The following GABRG2 variants were observed in gnomAD, a reference collection of about 807,000 sequenced individuals.
GABRG2 encodes the protein gamma-aminobutyric acid type A receptor subunit gamma2, also known as gamma-aminobutyric acid receptor subunit gamma-2.
A neutral mutation model predicts 56.4 loss-of-function variants in GABRG2; 16 were observed. The observed-to-expected ratio is 0.28, with a 90% CI of 0.19 to 0.43. The LOEUF is 0.43. Among genes scored for constraint, GABRG2 ranks in the 20% least tolerant of loss-of-function variants. GABRG2 has a pLI of 1.00. For missense variants in GABRG2, 327 were observed against 582.7 expected, an observed-to-expected ratio of 0.56 and a Z score of 4.52; for synonymous variants, 208 against 205.5, an observed-to-expected ratio of 1.01 and a Z score of -0.10.
At chr5:162,096,557 T>C (rs1280710271) in intron 3 of GABRG2, among the ~76,000 whole-genome samples, 1 of 152,150 alleles carries the variant, frequency 6.6e-6, no homozygotes, top group Non-Finnish European at 1.5e-5. Flanking sequence ...AAACAGGTTC[T>C]TTTCTCATTA....
chr5:162,090,815 T>C (rs1233143222), intron 1 of GABRG2, among the ~76,000 whole-genome samples: 1 of 152,142 alleles, frequency 6.6e-6, no homozygotes, highest in East Asian at 1.9e-4. Context: ...CTCTATCCAC[T>C]CAACTGTTGA....
chr5:162,102,210 T>A, intron 5 of GABRG2: 1 of 208,520 alleles, frequency 4.8e-6, no homozygotes, highest in East Asian at 1.1e-4. Context: ...GACATCATAT[T>A]TACCTAGAAA....
rs564102312 is a variant in GABRG2 at position 162,101,720 on chromosome 5, C to A, written c.631+403C>A. On this transcript the variant is annotated intron_variant, in intron 5 of 9. Transcript: ENST00000639213. ...CAGCACATTGCTAGTTAAGGCCTGC[C>A]CCACAGGACAATTATTTCATTGATA... 28 of 182,468 alleles carry A rather than the reference C, an allele frequency of 1.5e-4. No individual in the cohort carries two copies. In the South Asian group the frequency reaches 3.2e-3, roughly 21 times the overall value. 11.3% of individuals were successfully genotyped at this position (182,468 alleles called of 1,614,324 possible). A position where few individuals can be genotyped will look rare whatever the true frequency, so the allele number is the denominator to read the frequency against.
intron 5 of GABRG2, 60 bp from the exon 6 acceptor site, chr5:162,103,829 G>T: frequency 6.3e-7 from 1 of 1,577,328 alleles, no homozygotes; most frequent in South Asian, 1.1e-5. Context: ...CATAGAAGAT[G>T]GTTGCTACAT....
At chr5:162,104,802 T>C (rs1748901403) in intron 6 of GABRG2, among the ~76,000 whole-genome samples, 1 of 152,132 alleles carries the variant, frequency 6.6e-6, no homozygotes, top group Non-Finnish European at 1.5e-5. Flanking sequence ...ATATTAAATC[T>C]CATGATTTGT....
intron 9 of GABRG2, chr5:162,152,660 A>G (rs1471860763): frequency 5.6e-5 from 18 of 320,960 alleles, no homozygotes; most frequent in Middle Eastern, 9.9e-4. Context: ...TGGGTTTTCT[A>G]TTTGCCTATA....
Position 162,153,450 on chromosome 5 carries a change from C to T in GABRG2, c.*82C>T. 4 of 1,449,094 alleles carry T rather than the reference C, an allele frequency of 2.8e-6. No homozygotes were observed. The South Asian group carries it at 3.4e-5, about 12-fold the overall frequency. 89.8% of individuals were successfully genotyped at this position (1,449,094 alleles called of 1,614,324 possible). On this transcript the variant is annotated 3_prime_UTR_variant, in exon 10 of 10. Transcript: ENST00000639213. The stretch of plus-strand genomic sequence containing the variant: ...CTGTTCTAAGTCCACTTAAATAATC[C>T]TCTATGTGGTTGATAATGATCTGAA...
chr5:162,109,448 A>G (rs1023841554), intron 6 of GABRG2, among the ~76,000 whole-genome samples: 1 of 145,000 alleles, frequency 6.9e-6, no homozygotes, highest in Admixed American at 6.9e-5. Context: ...TGAAAACATG[A>G]TTTCTGCCTT....
chr5:162,151,649 G>C (rs1765377765), intron 8 of GABRG2, 81 bp from the exon 9 acceptor site: 1 of 1,187,954 alleles, frequency 8.4e-7, no homozygotes, highest in Admixed American at 2.0e-5. Flanking sequence ...AATTTATCTT[G>C]TCTCTCTCTT....
Position 162,153,724 on chromosome 5 carries a change from G to T in GABRG2, c.*356G>T, listed in dbSNP as rs886807466. ...ATTCATAATGCAATTAGATAGAAAA[G>T]GTCCAAAACTGTACCCTATGTTCAC... On this transcript the variant is annotated 3_prime_UTR_variant, in exon 10 of 10. Transcript: ENST00000639213. 9.0e-6 allele frequency: 3 copies of T among 333,542 alleles called. No individual in the cohort carries two copies. The highest frequency in any genetic ancestry group is 1.7e-5 in the Non-Finnish European group (3 of 175,388). The allele number at this position is 333,542 out of a possible 1,614,324, so 20.7% of individuals were successfully genotyped here. A position where few individuals can be genotyped will look rare whatever the true frequency, so the allele number is the denominator to read the frequency against.
At chr5:162,110,542 G>A (rs1026393400) in intron 6 of GABRG2, among the ~76,000 whole-genome samples, 3 of 151,820 alleles carry the variant, frequency 2.0e-5, no homozygotes, top group East Asian at 1.9e-4. Flanking sequence ...CTTGACTCAC[G>A]ATTTAGATGA....
rs1054164610 is a variant in GABRG2 at position 162,088,267 on chromosome 5, C to T, written c.108-5561C>T. On this transcript the variant is annotated intron_variant, in intron 1 of 9. Coordinates refer to ENST00000639213, the MANE Select transcript of GABRG2 (RefSeq NM_198904.4). ...CTTCCCATGATCATATACTGAGTTCCCTTTGCCTTCTGAGGATGTACACTC... is the reference window on the plus strand; with the variant it reads ...CTTCCCATGATCATATACTGAGTTCTCTTTGCCTTCTGAGGATGTACACTC... 3.9e-5 allele frequency among the ~76,000 whole-genome samples: 6 copies of T among 152,080 alleles called. No homozygotes were observed. The South Asian group carries it at 8.3e-4, about 21-fold the overall frequency.
chr5:162,088,977 G>C (rs1312431015), intron 1 of GABRG2, among the ~76,000 whole-genome samples: 2 of 152,246 alleles, frequency 1.3e-5, no homozygotes, highest in East Asian at 3.9e-4. Context: ...GAAATTTATA[G>C]TTTAGTAATG....
intron 6 of GABRG2, among the ~76,000 whole-genome samples, chr5:162,125,337 T>C (rs1460301676): frequency 6.6e-6 from 1 of 151,804 alleles, no homozygotes; most frequent in Non-Finnish European, 1.5e-5. Flanking sequence ...CATCTATCCT[T>C]TCTGTAGTGT....
chr5:162,082,370 T>C (rs1759736576), intron 1 of GABRG2, among the ~76,000 whole-genome samples: 1 of 151,810 alleles, frequency 6.6e-6, no homozygotes. Flanking sequence ...TATTGTGTGT[T>C]GAAAGATCTA....
intron 1 of GABRG2, among the ~76,000 whole-genome samples, chr5:162,092,653 A>C (rs989047416): frequency 6.6e-6 from 1 of 152,184 alleles, no homozygotes; most frequent in Non-Finnish European, 1.5e-5. Flanking sequence ...GTATGAATGA[A>C]GAAAGGTGAT....
rs543018832 is a variant in GABRG2 at position 162,137,086 on chromosome 5, A to G, written c.770-5078A>G. On this transcript the variant is annotated intron_variant, in intron 6 of 9. Coordinates refer to ENST00000639213, the MANE Select transcript of GABRG2 (RefSeq NM_198904.4). The stretch of plus-strand genomic sequence containing the variant: ...AACTGCTTGAGAGTAGCCTTTATAG[A>G]AGTTTGCAACTGATTAATTTGGAAA... Among the ~76,000 whole-genome samples, 14 of 152,146 alleles carry G rather than the reference A, an allele frequency of 9.2e-5. No individual in the cohort carries two copies. The South Asian group carries it at 1.5e-3, about 16-fold the overall frequency.
At chr5:162,138,474 C>G (rs1254343340) in intron 6 of GABRG2, among the ~76,000 whole-genome samples, 1 of 152,108 alleles carries the variant, frequency 6.6e-6, no homozygotes, top group Non-Finnish European at 1.5e-5. Flanking sequence ...ATCTTATGTC[C>G]TTTTAACACA....
intron 7 of GABRG2, among the ~76,000 whole-genome samples, chr5:162,145,828 C>G (rs1020187534): frequency 2.0e-5 from 3 of 152,078 alleles, no homozygotes; most frequent in African/African-American, 7.2e-5. Flanking sequence ...AAATGAAGGC[C>G]ACAGTGCCAA....
Sources: gnomAD v4.1 joint callset for allele counts (sites outside exome capture counted in the v4.1 genomes callset) on GRCh38, gnomAD v4.1.1 for gene constraint, MANE v1.5 for transcripts, NCBI Gene and HGNC (gene_info 2026-07-23, HGNC 2026-07-21) for gene names.